The following LDHB variants were observed in gnomAD, a reference collection of about 807,000 sequenced individuals.
LDHB encodes the protein lactate dehydrogenase B.
In LDHB, 18 loss-of-function variants were observed where a neutral mutation model predicts 33.4. That is an observed-to-expected ratio of 0.54 (90% CI 0.37 to 0.80). The LOEUF is 0.80. Ranked by LOEUF, LDHB falls within the 30% of genes least tolerant of loss-of-function variation. The pLI is 0.00. For synonymous variants in LDHB, 121 were observed against 140.6 expected (o/e 0.86, Z 0.98); for missense variants, 345 against 407.9 (o/e 0.85, Z 1.33).
intron 4 of LDHB, among the ~76,000 whole-genome samples, chr12:21,642,963 G>A (rs371388202): frequency 1.5e-4 from 23 of 152,298 alleles, no homozygotes; most frequent in South Asian, 8.3e-4. Flanking sequence ...ATTTAGTGAC[G>A]CCTGCCTGAG....
chr12:21,648,835 C>T (rs1159784406), intron 2 of LDHB, among the ~76,000 whole-genome samples: 2 of 152,162 alleles, frequency 1.3e-5, no homozygotes, highest in African/African-American at 2.4e-5. Context: ...TGAAGCTTCC[C>T]GATGACTGAA....
intron 5 of LDHB, among the ~76,000 whole-genome samples, chr12:21,639,767 T>C (rs934110066): frequency 6.6e-6 from 1 of 152,032 alleles, no homozygotes; most frequent in Admixed American, 6.6e-5. Context: ...AAACTTTCCA[T>C]GCTCAAATTA....
chr12:21,644,424 C>CAAAAAAAAAAAAACAAAAAAAAAAAAA (rs1591830643), intron 3 of LDHB, among the ~76,000 whole-genome samples: 3 of 15,270 alleles, frequency 2.0e-4, no homozygotes, highest in Non-Finnish European at 5.9e-4. Context: ...AGGTAGACAT[C>CAAAAAAAAAAAAACAAAAAAAAAAAAA]AAAAAAAAAA....
At position 21,645,252 on chromosome 12, in the gene LDHB, C is replaced by T. The variant is rs529375308; in HGVS notation, c.248-1144G>A. On this transcript the variant is annotated intron_variant, in intron 3 of 7. Transcript: ENST00000350669. ...AGTACACTATGGAAGGCCGCAGGGACCTCTGCCTAGGAAAGCCAGGTATTG... is the reference window on the plus strand; with the variant it reads ...AGTACACTATGGAAGGCCGCAGGGATCTCTGCCTAGGAAAGCCAGGTATTG... Among the ~76,000 whole-genome samples the T allele has an allele frequency of 2.3e-4, 32 of 139,286 alleles. No homozygotes were observed. The South Asian group carries it at 4.8e-3, about 21-fold the overall frequency. 91.4% of individuals were successfully genotyped at this position (139,286 alleles called of 152,430 possible). A position where few individuals can be genotyped will look rare whatever the true frequency, so the allele number is the denominator to read the frequency against.
rs1160062502 is a variant in LDHB at position 21,635,578 on chromosome 12, G to C, written c.969C>G (p.Thr323=). ...TTAGGTCCTTCTGGATGTCCCACAG[G>C]GTATCTGCACTTTTCTTGAGCTGAG... is the stretch of plus-strand genomic sequence containing the variant. ...EVAQLKKSAD[T]LWDIQKDLKD... The change falls in exon 8 of 8, where the codon ACC becomes ACG. Residue 323 remains threonine (T), a synonymous_variant. Transcript: ENST00000350669. 7 of 1,612,454 alleles carry C rather than the reference G, an allele frequency of 4.3e-6. No individual in the cohort carries two copies. The highest frequency in any genetic ancestry group is 2.2e-5 in the East Asian group (1 of 44,880).
At chr12:21,642,159 C>T (rs1046867041) in intron 4 of LDHB, 34 bp from the exon 5 acceptor site, 3 of 1,526,292 alleles carry the variant, frequency 2.0e-6, no homozygotes, top group Non-Finnish European at 2.7e-6. Flanking sequence ...TGTAAGTAAA[C>T]CAAAACCAAC....
chr12:21,639,550 A>C (rs1321776332), intron 5 of LDHB, among the ~76,000 whole-genome samples: 2 of 152,056 alleles, frequency 1.3e-5, no homozygotes, highest in Non-Finnish European at 2.9e-5. Flanking sequence ...TCTATCACCT[A>C]GCAATGTATA....
In LDHB at chr12:21,635,600, T is replaced by C; in HGVS notation, c.947A>G (p.Gln316Arg). 1 of 1,613,154 alleles carries C rather than the reference T, an allele frequency of 6.2e-7. No individual in the cohort carries two copies. The highest frequency in any genetic ancestry group is 1.9e-4 in the Middle Eastern group (1 of 5,286). ...CAGGGTATCTGCACTTTTCTTGAGCTGAGCAACCTCATCATCCTTTAGCTT... is the reference window on the plus strand; with the variant it reads ...CAGGGTATCTGCACTTTTCTTGAGCCGAGCAACCTCATCATCCTTTAGCTT... ...NQKLKDDEVA[Q>R]LKKSADTLWD... Residue 316 changes from glutamine to arginine, a missense_variant, in exon 8 of 8, where the codon CAG (glutamine) becomes CGG (arginine). Physicochemically the swap from Gln to Arg is conservative, Grantham distance 43. Coordinates refer to ENST00000350669, the MANE Select transcript of LDHB (RefSeq NM_002300.8).
chr12:21,647,270 T>C (rs1938552073), intron 2 of LDHB, among the ~76,000 whole-genome samples: 1 of 152,168 alleles, frequency 6.6e-6, no homozygotes, highest in Non-Finnish European at 1.5e-5. Flanking sequence ...TACAAGTCTA[T>C]ATTAATGGAG....
intron 2 of LDHB, among the ~76,000 whole-genome samples, chr12:21,647,550 T>G (rs1422918497): frequency 2.6e-5 from 4 of 152,160 alleles, no homozygotes; most frequent in African/African-American, 9.7e-5. Flanking sequence ...TTTTTTCATG[T>G]GATCACTCCA....
chr12:21,645,341 G>A (rs973707501), intron 3 of LDHB, among the ~76,000 whole-genome samples: 3 of 152,096 alleles, frequency 2.0e-5, no homozygotes, highest in Non-Finnish European at 4.4e-5. Context: ...AGACCTGACT[G>A]TGGGAAGGGA....
chr12:21,646,165 G>GGAGGA (rs1253066404), intron 3 of LDHB, among the ~76,000 whole-genome samples: 3 of 152,176 alleles, frequency 2.0e-5, no homozygotes, highest in African/African-American at 7.2e-5. Flanking sequence ...ACAGACTGAG[G>GGAGGA]GAGGAGAGGA....
At chr12:21,638,664 T>A in intron 5 of LDHB, 194 bp from the exon 6 acceptor site, 1 of 563,932 alleles carries the variant, frequency 1.8e-6, no homozygotes, top group East Asian at 3.0e-5. Flanking sequence ...AATAGCAACA[T>A]GTCTGACCTT....
chr12:21,640,742 G>A (rs1938350854), intron 5 of LDHB, among the ~76,000 whole-genome samples: 1 of 151,998 alleles, frequency 6.6e-6, no homozygotes, highest in South Asian at 2.1e-4. Context: ...GCTCATTAGG[G>A]AAACAGCTGA....
chr12:21,648,818 C>CT lies in LDHB; in HGVS notation c.130-1803dup, dbSNP rs1397533183. Reference sequence around the variant, plus strand: ...AGTGGGCTTGCTTGTGAGGGTTTCTCTAAGACTGAAGCTTCCCGATGACTG... The same window carrying CT: ...AGTGGGCTTGCTTGTGAGGGTTTCTCTTAAGACTGAAGCTTCCCGATGACTG... On this transcript the variant is annotated intron_variant, in intron 2 of 7. Coordinates refer to ENST00000350669, the MANE Select transcript of LDHB (RefSeq NM_002300.8). Among the ~76,000 whole-genome samples the CT allele has an allele frequency of 2.6e-5, 4 of 152,188 alleles. No individual in the cohort carries two copies. The East Asian group carries it at 7.7e-4, about 29-fold the overall frequency.
At chr12:21,655,567 GTC>G (rs1938820269) in intron 1 of LDHB, among the ~76,000 whole-genome samples, 1 of 152,192 alleles carries the variant, frequency 6.6e-6, no homozygotes, top group South Asian at 2.1e-4. Flanking sequence ...TTTATTCAAA[GTC>G]TGCAAAAATA....
At chr12:21,648,685 T>C (rs997180255) in intron 2 of LDHB, among the ~76,000 whole-genome samples, 4 of 152,166 alleles carry the variant, frequency 2.6e-5, no homozygotes, top group South Asian at 2.1e-4. Flanking sequence ...AAAGTTGACC[T>C]ACTCAGCTTG....
rs1474243555 is a variant in LDHB, at chr12:21,644,039, C to A, written c.317G>T (p.Ser106Ile). 1 of 1,612,750 alleles carries A rather than the reference C, an allele frequency of 6.2e-7. No individual in the cohort carries two copies. The highest frequency in any genetic ancestry group is 1.7e-5 in the Admixed American group (1 of 60,016). Residue 106 changes from serine to isoleucine, a missense_variant, in exon 4 of 8, where the codon AGT (serine) becomes ATT (isoleucine). By Grantham distance (142) the Ser-to-Ile change is moderately radical. Transcript: ENST00000350669. The part of the protein sequence containing the change: ...TAGVRQQEGE[S>I]RLNLVQRNVN... ...ATTTCTCTGCACCAGATTGAGCCGA[C>A]TCTCCCCTTCTTGCTGACGGACTCC...
At chr12:21,647,065 G>C (rs1540405) in intron 2 of LDHB, 49 bp from the exon 3 acceptor site, 1,017,373 of 1,032,936 alleles carry the variant, frequency 0.98, 502,098 homozygotes, top group East Asian at 1. Flanking sequence ...TCTAGGATGC[G>C]TCAGCTCACA....
Sources: gnomAD v4.1 joint callset for allele counts (sites outside exome capture counted in the v4.1 genomes callset) on GRCh38, gnomAD v4.1.1 for gene constraint, MANE v1.5 for transcripts, NCBI Gene and HGNC (gene_info 2026-07-23, HGNC 2026-07-21) for gene names.